The following CTIF variants were observed in gnomAD, a reference collection of about 807,000 sequenced individuals.
CTIF encodes the protein CBP80/20-dependent translation initiation factor.
In CTIF, 21 loss-of-function variants were observed where a neutral mutation model predicts 66.0. The ratio of observed to expected loss-of-function variants is 0.32; its 90% CI spans 0.23 to 0.46. CTIF has a LOEUF of 0.46. Among genes scored for constraint, CTIF ranks in the 20% least tolerant of loss-of-function variants. The pLI is 1.00. For synonymous variants in CTIF, 345 were observed against 326.4 expected, an observed-to-expected ratio of 1.06 and a Z score of -0.62; for missense variants, 739 against 812.7, an observed-to-expected ratio of 0.91 and a Z score of 1.10.
intron 1 of CTIF, among the ~76,000 whole-genome samples, chr18:48,571,619 C>A (rs2089417430): frequency 6.6e-6 from 1 of 152,162 alleles, no homozygotes; most frequent in Admixed American, 6.5e-5. Flanking sequence ...GTCTTCCATG[C>A]CAGCACATAG....
chr18:48,564,858 A>G (rs193126612), intron 1 of CTIF: 42 of 152,230 alleles, frequency 2.8e-4, no homozygotes, highest in African/African-American at 9.6e-4. Flanking sequence ...GGCCCCAGCA[A>G]TCCTCCTGCC....
intron 7 of CTIF, among the ~76,000 whole-genome samples, chr18:48,715,714 T>G (rs1163170412): frequency 6.6e-6 from 1 of 152,260 alleles, no homozygotes; most frequent in Non-Finnish European, 1.5e-5. Context: ...TGTTGTAGCC[T>G]GAGCTCCCTG....
chr18:48,709,627 G>A (rs1020788749), intron 6 of CTIF, among the ~76,000 whole-genome samples: 4 of 152,256 alleles, frequency 2.6e-5, no homozygotes, highest in Non-Finnish European at 4.4e-5. Context: ...CACCCGGTGT[G>A]TTCCTGAAGT....
chr18:48,760,308 C>T (rs1908856890), intron 8 of CTIF: 1 of 152,108 alleles, frequency 6.6e-6, no homozygotes, highest in South Asian at 2.1e-4. Context: ...CTGCCTCAGC[C>T]TCCTGAGTGT....
At chr18:48,715,591 G>A (rs1017258336) in intron 7 of CTIF, among the ~76,000 whole-genome samples, 29 of 152,088 alleles carry the variant, frequency 1.9e-4, no homozygotes, top group African/African-American at 9.7e-5. Flanking sequence ...GAGACCCGGC[G>A]CACTGCCCAA....
intron 3 of CTIF, among the ~76,000 whole-genome samples, chr18:48,658,319 A>G (rs111211432): frequency 2.0e-5 from 3 of 151,792 alleles, no homozygotes; most frequent in African/African-American, 7.3e-5. Flanking sequence ...ATGTGCCTGT[A>G]TGTGTGGTGT....
At chr18:48,851,442 G>C (rs974604339) in intron 10 of CTIF, among the ~76,000 whole-genome samples, 4 of 152,194 alleles carry the variant, frequency 2.6e-5, no homozygotes, top group African/African-American at 9.6e-5. Flanking sequence ...ACTCCGGGAG[G>C]CTTCCACGCA....
chr18:48,834,535 A>G (rs1183489300), intron 10 of CTIF, among the ~76,000 whole-genome samples: 5 of 152,202 alleles, frequency 3.3e-5, no homozygotes, highest in African/African-American at 9.7e-5. Flanking sequence ...TTCAATGCAC[A>G]TTAAAGTTTG....
intron 1 of CTIF, among the ~76,000 whole-genome samples, chr18:48,612,950 G>A (rs992809362): frequency 1.7e-4 from 26 of 152,168 alleles, no homozygotes; most frequent in African/African-American, 5.8e-4. Context: ...TGAGTTGGGT[G>A]CTGGGGGTGG....
At chr18:48,542,913 G>A (rs1457998703) in intron 1 of CTIF, among the ~76,000 whole-genome samples, 2 of 152,168 alleles carry the variant, frequency 1.3e-5, no homozygotes, top group African/African-American at 4.8e-5. Flanking sequence ...GGTTTCTGGC[G>A]ACACGGAGCT....
intron 1 of CTIF, among the ~76,000 whole-genome samples, chr18:48,604,534 A>T (rs1183334335): frequency 1.3e-5 from 2 of 152,152 alleles, no homozygotes; most frequent in Non-Finnish European, 2.9e-5. Context: ...GATTCTAACA[A>T]CTATGGTTTT....
At chr18:48,787,362 G>GGAAGGAGGGCAGGAGGAAGGGAGA (rs1454567441) in intron 9 of CTIF, among the ~76,000 whole-genome samples, 1 of 152,174 alleles carries the variant, frequency 6.6e-6, no homozygotes, top group Non-Finnish European at 1.5e-5. Context: ...GAGAAAGGAA[G>GGAAGGAGGGCAGGAGGAAGGGAGA]GAAGGAGGGC....
intron 1 of CTIF, chr18:48,540,403 A>G: frequency 6.6e-6 from 1 of 151,118 alleles, no homozygotes; most frequent in Non-Finnish European, 1.5e-5. Flanking sequence ...GGCTGCGGCG[A>G]AGGTCTGGGG....
intron 1 of CTIF, among the ~76,000 whole-genome samples, chr18:48,540,986 G>A (rs2088600699): frequency 6.6e-6 from 1 of 152,142 alleles, no homozygotes; most frequent in East Asian, 1.9e-4. Flanking sequence ...CTCCCTCCGC[G>A]TCCGCGACGC....
chr18:48,632,167 G>A (rs1265869042), intron 2 of CTIF, among the ~76,000 whole-genome samples: 1 of 152,196 alleles, frequency 6.6e-6, no homozygotes, highest in African/African-American at 2.4e-5. Context: ...GGGAAGAAGC[G>A]TGTCTCTGAT....
chr18:48,607,820 A>G (rs2090231714), intron 1 of CTIF, among the ~76,000 whole-genome samples: 1 of 152,146 alleles, frequency 6.6e-6, no homozygotes, highest in African/African-American at 2.4e-5. Flanking sequence ...GCTGAGTGAC[A>G]CCATCTTCTA....
chr18:48,802,805 A>G (rs1203573166), intron 9 of CTIF, among the ~76,000 whole-genome samples: 1 of 152,212 alleles, frequency 6.6e-6, no homozygotes, highest in East Asian at 1.9e-4. Flanking sequence ...AAGTGGTACT[A>G]ACGTCCTCCC....
intron 5 of CTIF, 97 bp from the exon 6 acceptor site, chr18:48,670,571 AG>A: frequency 1.9e-6 from 2 of 1,069,330 alleles, no homozygotes; most frequent in Non-Finnish European, 2.9e-6. Context: ...GGGCAGCACC[AG>A]GTATCTGCTG....
intron 1 of CTIF, among the ~76,000 whole-genome samples, chr18:48,569,410 C>T (rs1021877064): frequency 4.0e-5 from 6 of 151,014 alleles, no homozygotes; most frequent in Non-Finnish European, 7.4e-5. Context: ...GCAAGTGATT[C>T]GGTGCACCCA....
Sources: allele counts gnomAD v4.1 joint callset (sites outside exome capture counted in the v4.1 genomes callset), GRCh38; gene constraint gnomAD v4.1.1; transcripts MANE v1.5; gene names NCBI Gene and HGNC (gene_info 2026-07-23, HGNC 2026-07-21).